TMEM201: variants seen among roughly 807,000 people sequenced by gnomAD.
TMEM201 encodes the protein transmembrane protein 201.
A neutral mutation model predicts 63.4 loss-of-function variants in TMEM201; 26 were observed. The observed-to-expected ratio is 0.41, with a 90% CI of 0.30 to 0.57. The LOEUF is 0.57. Ranked by LOEUF, TMEM201 falls within the 20% of genes least tolerant of loss-of-function variation. The pLI is 0.29. For missense variants in TMEM201, 794 were observed against 917.7 expected (o/e 0.87, Z 1.74); for synonymous variants, 417 against 421.6 (o/e 0.99, Z 0.14).
At position 9,603,650 on chromosome 1, in the gene TMEM201, C is replaced by T. The variant is rs949617158; in HGVS notation, c.1160+1378C>T. ...GGTTACACCCGTCACCTGGGTCTGC[C>T]GGGATGGGTTGGGGGGGCAGGTGCC... On this transcript the variant is annotated intron_variant, in intron 6 of 10. Transcript: ENST00000340381. This position sits in a 1 kb window ranked among gnomAD's most constrained non-coding sequence, Gnocchi z 4.5. 3 of 985,286 alleles carry T rather than the reference C, an allele frequency of 3.0e-6. No homozygotes were observed. The highest frequency in any genetic ancestry group is 5.2e-4 in the Middle Eastern group (1 of 1,914). The allele number at this position is 985,286 out of a possible 1,614,324, so 61.0% of individuals were successfully genotyped here.
At chr1:9,592,232 G>A (rs756634076) in intron 1 of TMEM201, among the ~76,000 whole-genome samples, 28 of 152,220 alleles carry the variant, frequency 1.8e-4, no homozygotes, top group Non-Finnish European at 3.4e-4. Flanking sequence ...CTGGTTGAAT[G>A]AAACACGGTG....
In TMEM201 at chr1:9,596,909, C is replaced by T. The variant is rs768011903; in HGVS notation, c.285C>T (p.Asn95=). 20 of 1,610,534 alleles carry T rather than the reference C, an allele frequency of 1.2e-5. No individual in the cohort carries two copies. The Admixed American group carries it at 3.0e-4, about 24-fold the overall frequency. Residue 95 remains asparagine, a synonymous_variant, in exon 3 of 11, where the codon AAC becomes AAT. Coordinates refer to ENST00000340381, the MANE Select transcript of TMEM201 (RefSeq NM_001130924.3). ...CCGCCCAGTACTTGGAGCACCTGAA[C>T]CACGTGGTGAGCAGCGCGCCCAGCC... ...PIPAQYLEHL[N]HVVSSAPSLR... is the part of the protein sequence containing the mutation.
At position 9,602,240 on chromosome 1, in the gene TMEM201, G is replaced by A; in HGVS notation, c.1128G>A (p.Lys376=). The change falls in exon 6 of 11, where the codon AAG becomes AAA. Residue 376 remains lysine, a synonymous_variant. Transcript: ENST00000340381. ...VGFTAAVATR[K]ATGPRRFRPR... ...TCACGGCGGCTGTGGCCACAAGGAAGGCAACGGGCCCACGGAGGTTCCGGC... is the reference window on the plus strand; with the variant it reads ...TCACGGCGGCTGTGGCCACAAGGAAAGCAACGGGCCCACGGAGGTTCCGGC... 6.2e-7 allele frequency: 1 copy of A among 1,612,362 alleles called. No individual in the cohort carries two copies. Among genetic ancestry groups the A allele is most frequent in the Non-Finnish European group, 8.5e-7 (1 of 1,179,948 alleles).
intron 4 of TMEM201, among the ~76,000 whole-genome samples, chr1:9,599,718 G>T (rs922043058): frequency 1.3e-5 from 2 of 152,058 alleles, no homozygotes; most frequent in East Asian, 3.8e-4. Context: ...CGCCTCCCGG[G>T]TTCACGCAAT....
Position 9,607,356 on chromosome 1 carries a change from C to T in TMEM201, c.1161-201C>T, listed in dbSNP as rs1000870568. The stretch of plus-strand genomic sequence containing the variant: ...GGCATGTGGGGAGGGCCGGGTCTTG[C>T]TGGCACCTCCCAGCCACCCGCTCCT... On this transcript the variant is annotated intron_variant, in intron 6 of 10. Transcript: ENST00000340381. The surrounding 1 kb of genome is among the most constrained non-coding windows in gnomAD (Gnocchi z 5.4). Among the ~76,000 whole-genome samples the T allele has an allele frequency of 6.6e-6, 1 of 151,848 alleles. No individual in the cohort carries two copies. Among genetic ancestry groups the T allele is most frequent in the African/African-American group, 2.4e-5 (1 of 41,318 alleles).
At chr1:9,595,703 G>A (rs558914864) in intron 1 of TMEM201, among the ~76,000 whole-genome samples, 187 bp from the exon 2 acceptor site, 85 of 151,932 alleles carry the variant, frequency 5.6e-4, no homozygotes, top group African/African-American at 1.8e-3. Context: ...CCTAGTCTGC[G>A]TTCCTCTCCT....
intron 1 of TMEM201, among the ~76,000 whole-genome samples, chr1:9,589,891 C>T (rs1351958828): frequency 2.6e-5 from 4 of 152,232 alleles, no homozygotes; most frequent in Admixed American, 2.6e-4. Context: ...GCAATGAGCT[C>T]ACACCCTTAG....
Position 9,614,740 on chromosome 1 carries a change from G to A in TMEM201, c.*1657G>A, listed in dbSNP as rs1160361212. ...CTGGCCTCTCCTGCCCAGACCTGCGGTCCCAGCATCCCCCAGAGCCAGGGA... is the reference window on the plus strand; with the variant it reads ...CTGGCCTCTCCTGCCCAGACCTGCGATCCCAGCATCCCCCAGAGCCAGGGA... On this transcript the variant is annotated 3_prime_UTR_variant, in exon 11 of 11. Coordinates refer to ENST00000340381, the MANE Select transcript of TMEM201 (RefSeq NM_001130924.3). 6.6e-6 allele frequency: 1 copy of A among 152,222 alleles called. No homozygotes were observed. The highest frequency in any genetic ancestry group is 1.5e-5 in the Non-Finnish European group (1 of 68,052). 9.4% of individuals were successfully genotyped at this position (152,222 alleles called of 1,614,324 possible).
intron 7 of TMEM201, among the ~76,000 whole-genome samples, chr1:9,609,593 C>T (rs1239003239): frequency 6.6e-6 from 1 of 152,178 alleles, no homozygotes; most frequent in African/African-American, 2.4e-5. Context: ...CCTCAGCCTC[C>T]CAAAGTGCTG....
chr1:9,613,395 G>T lies in TMEM201; in HGVS notation c.*312G>T. On this transcript the variant is annotated 3_prime_UTR_variant, in exon 11 of 11. Transcript: ENST00000340381. ...GCATGACCCTGGGGTGCCCCACACA[G>T]TTCAGCCCTGCCTGGCAGGGACGCC... is the stretch of plus-strand genomic sequence containing the variant. 4.6e-6 allele frequency: 2 copies of T among 431,114 alleles called. No homozygotes were observed. The highest frequency in any genetic ancestry group is 8.5e-6 in the Non-Finnish European group (2 of 235,698). 26.7% of individuals were successfully genotyped at this position (431,114 alleles called of 1,614,324 possible).
Position 9,598,602 on chromosome 1 carries a change from G to A in TMEM201, c.583G>A (p.Glu195Lys). ...GCTCAGCCACCAGTTCAAGCGCCGG[G>A]AGGCCGACCAGACCCACGCACAGGT... Reference protein sequence around the residue: ...LLLSHQFKRREADQTHAQNFS... With the variant: ...LLLSHQFKRRKADQTHAQNFS... Residue 195 changes from glutamate to lysine, a missense_variant, in exon 4 of 11, where the codon GAG (glutamate) becomes AAG (lysine). Transcript: ENST00000340381. The A allele has an allele frequency of 6.2e-7, 1 of 1,613,294 alleles. No individual in the cohort carries two copies. Among genetic ancestry groups the A allele is most frequent in the Non-Finnish European group, 8.5e-7 (1 of 1,179,930 alleles).
chr1:9,592,593 C>G (rs1643939589), intron 1 of TMEM201, among the ~76,000 whole-genome samples: 1 of 118,984 alleles, frequency 8.4e-6, no homozygotes, highest in Admixed American at 8.9e-5. Context: ...CCCCTCCCAC[C>G]TGCAGGGAAT....
intron 2 of TMEM201, 127 bp from the exon 3 acceptor site, chr1:9,596,732 A>G: frequency 4.0e-6 from 4 of 994,054 alleles, no homozygotes; most frequent in Non-Finnish European, 5.8e-6. Flanking sequence ...TGCAGAAGAA[A>G]AAAAAGAATG....
Position 9,598,490 on chromosome 1 carries a change from G to A in TMEM201, c.471G>A (p.Leu157=). ...DEEVEVYRHH[L]EQMYKLCRPC... The stretch of plus-strand genomic sequence containing the variant: ...AGGTCGAGGTGTACCGGCATCACCT[G>A]GAGCAGATGTACAAGCTGTGCCGGC... The change falls in exon 4 of 11, where the codon CTG becomes CTA. Residue 157 remains leucine (L), a synonymous_variant. Coordinates refer to ENST00000340381, the MANE Select transcript of TMEM201 (RefSeq NM_001130924.3). The A allele has an allele frequency of 6.2e-7, 1 of 1,613,990 alleles. No individual in the cohort carries two copies. The highest frequency in any genetic ancestry group is 8.5e-7 in the Non-Finnish European group (1 of 1,179,996).
rs777466426 is a variant in TMEM201 at position 9,601,402 on chromosome 1, G to A, written c.904G>A (p.Ala302Thr). 141 of 1,601,050 alleles carry A rather than the reference G, an allele frequency of 8.8e-5. 2 individuals carry two copies. Among genetic ancestry groups the A allele is most frequent in the South Asian group, 7.3e-4 (66 of 90,958 alleles). ...FGQSHQTGVV[A>T]LGLLTCLLAM... The stretch of plus-strand genomic sequence containing the variant: ...GCAGAGCCACCAGACGGGCGTCGTG[G>A]CACTGGGCCTACTCACCTGCCTGCT... The change falls in exon 5 of 11, where the codon GCA (alanine) becomes ACA (threonine). Residue 302 changes from alanine (A) to threonine (T), a missense_variant. Physicochemically the swap from Ala to Thr is moderately conservative, Grantham distance 58 (BLOSUM62 0). Coordinates refer to ENST00000340381, the MANE Select transcript of TMEM201 (RefSeq NM_001130924.3).
chr1:9,601,363 G>A lies in TMEM201; in HGVS notation c.865G>A (p.Ala289Thr). The change falls in exon 5 of 11, where the codon GCC becomes ACC. Residue 289 changes from alanine (A) to threonine (T), a missense_variant. Ala to Thr is a moderately conservative substitution (Grantham distance 58, BLOSUM62 0). Transcript: ENST00000340381. ...GCACATGGCGGAGAAGCTGTGTGAG[G>A]CCTGGGCCTTTGGGCAGAGCCACCA... ...PEHMAEKLCE[A>T]WAFGQSHQTG... is the part of the protein sequence containing the mutation. 5 of 1,606,932 alleles carry A rather than the reference G, an allele frequency of 3.1e-6. No individual in the cohort carries two copies. Among genetic ancestry groups the A allele is most frequent in the Non-Finnish European group, 4.2e-6 (5 of 1,179,826 alleles).
At position 9,604,993 on chromosome 1, in the gene TMEM201, T is replaced by G; in HGVS notation, c.1161-2564T>G. 23 of 985,826 alleles carry G rather than the reference T, an allele frequency of 2.3e-5. No individual in the cohort carries two copies. Among genetic ancestry groups the G allele is most frequent in the Non-Finnish European group, 2.8e-5 (23 of 829,952 alleles). The allele number at this position is 985,826 out of a possible 1,614,324, so 61.1% of individuals were successfully genotyped here. A position where few individuals can be genotyped will look rare whatever the true frequency, so the allele number is the denominator to read the frequency against. On this transcript the variant is annotated intron_variant, in intron 6 of 10. Coordinates refer to ENST00000340381, the MANE Select transcript of TMEM201 (RefSeq NM_001130924.3). The surrounding 1 kb of genome is among the most constrained non-coding windows in gnomAD (Gnocchi z 4.1). ...CGCGTCTTTCTTCTTTTTTCTTTCT[T>G]TCAGAAGGGCTCTGTGCCAGGGCTG...
Position 9,596,978 on chromosome 1 carries a change from C to T in TMEM201, c.354C>T (p.Val118=), listed in dbSNP as rs146675528. 2 of 1,612,982 alleles carry T rather than the reference C, an allele frequency of 1.2e-6. No homozygotes were observed. The highest frequency in any genetic ancestry group is 2.7e-5 in the African/African-American group (2 of 74,952). ...SQPQQWVSSQ[V]LLCKRCNHHQ... is the part of the protein sequence containing the mutation. ...CGCAGCAGTGGGTGAGCAGCCAAGT[C>T]CTGCTGTGCAAGAGGTGCAACCACC... Residue 118 remains valine (V), a synonymous_variant, in exon 3 of 11, where the codon GTC becomes GTT. Transcript: ENST00000340381.
chr1:9,589,848 A>G (rs897800106), intron 1 of TMEM201, among the ~76,000 whole-genome samples: 10 of 152,264 alleles, frequency 6.6e-5, no homozygotes, highest in African/African-American at 2.4e-4. Flanking sequence ...CATCCTAGAA[A>G]GAGTGGATGG....
Sources: allele counts gnomAD v4.1 joint callset (sites outside exome capture counted in the v4.1 genomes callset), GRCh38; gene constraint gnomAD v4.1.1; non-coding constraint Gnocchi (gnomAD v3.1); transcripts MANE v1.5; gene names NCBI Gene and HGNC (gene_info 2026-07-23, HGNC 2026-07-21).